The following PCDHA5 variants were observed in gnomAD, a reference collection of about 807,000 sequenced individuals.
PCDHA5 encodes the protein protocadherin alpha 5.
In PCDHA5, 43 loss-of-function variants were observed where a neutral mutation model predicts 61.6. The observed-to-expected ratio is 0.70, with a 90% CI of 0.55 to 0.90. The LOEUF (loss-of-function observed/expected upper bound fraction) is 0.90. PCDHA5 is among the 40% of genes least tolerant of loss of function. The pLI is 0.00. For synonymous variants in PCDHA5, 627 were observed against 543.9 expected, an observed-to-expected ratio of 1.15 and a Z score of -2.13; for missense variants, 1,298 against 1,222.7, an observed-to-expected ratio of 1.06 and a Z score of -0.92.
intron 1 of PCDHA5, among the ~76,000 whole-genome samples, chr5:140,831,826 A>G (rs1029398204): frequency 6.6e-6 from 1 of 152,198 alleles, no homozygotes; most frequent in African/African-American, 2.4e-5. Context: ...GATAAACACT[A>G]GTTTCAATGA....
intron 1 of PCDHA5, among the ~76,000 whole-genome samples, chr5:140,962,807 C>T (rs1463442901): frequency 5.3e-5 from 8 of 152,220 alleles, no homozygotes; most frequent in Non-Finnish European, 1.0e-4. Flanking sequence ...CAACTCTAAA[C>T]ATCAGAGATG....
intron 1 of PCDHA5, among the ~76,000 whole-genome samples, chr5:140,885,615 AAT>A (rs1411025177): frequency 6.6e-6 from 1 of 152,162 alleles, no homozygotes; most frequent in African/African-American, 2.4e-5. Context: ...TTAATTATAA[AAT>A]ATGTCACTGG....
chr5:140,828,231 G>A (rs1554131117), intron 1 of PCDHA5: 2 of 1,613,882 alleles, frequency 1.2e-6, no homozygotes, highest in Admixed American at 1.7e-5. Flanking sequence ...TTCGTGGGCC[G>A]GATCGCGCAG....
intron 1 of PCDHA5, chr5:140,830,141 G>GC (rs1770847454): frequency 6.2e-7 from 1 of 1,613,282 alleles, no homozygotes; most frequent in East Asian, 2.2e-5. Flanking sequence ...ACGGGCGTCG[G>GC]TGGGCGCCGC....
rs2150455604 is a variant in PCDHA5, at chr5:140,849,875, C to T, written c.2352+25748C>T. The T allele has an allele frequency of 6.9e-5, 111 of 1,598,488 alleles. 9 individuals are homozygous for T. The highest frequency in any genetic ancestry group is 8.0e-5 in the Non-Finnish European group (93 of 1,168,004). On this transcript the variant is annotated intron_variant, in intron 1 of 3. Transcript: ENST00000529859. ...CACCAGCGTTCGCGCAGTCCGAGTA[C>T]ACGGTGTTCGTGAAGGAGAACAACC...
intron 1 of PCDHA5, chr5:140,848,534 T>C (rs2150412178): frequency 6.3e-7 from 1 of 1,595,182 alleles, no homozygotes; most frequent in Non-Finnish European, 8.6e-7. Flanking sequence ...AGGGTCAGCC[T>C]CTACTGCTCT....
At chr5:140,982,688 ATACATACATGATTTCCT>A in intron 3 of PCDHA5, 125 bp downstream of exon 3, 1 of 1,415,764 alleles carries the variant, frequency 7.1e-7, no homozygotes, top group African/African-American at 1.4e-5. Flanking sequence ...CCTTTTTTCC[ATACATACATGATTTCCT>A]TACATATATG....
At chr5:140,893,050 A>G (rs967159859) in intron 1 of PCDHA5, among the ~76,000 whole-genome samples, 1 of 152,248 alleles carries the variant, frequency 6.6e-6, no homozygotes, top group Non-Finnish European at 1.5e-5. Context: ...CTCCAGGCTC[A>G]GCCATACTGC....
intron 1 of PCDHA5, chr5:140,825,891 G>A (rs1191731614): frequency 6.6e-6 from 1 of 152,362 alleles, no homozygotes; most frequent in Non-Finnish European, 1.5e-5. Context: ...GTTTATTAAA[G>A]CTGTATGTTT....
intron 1 of PCDHA5, chr5:140,848,371 A>T: frequency 8.8e-7 from 1 of 1,131,148 alleles, no homozygotes; most frequent in Non-Finnish European, 1.3e-6. Context: ...AAAGAGGCTC[A>T]ATTCTTTTTC....
chr5:140,998,690 A>G (rs1310258939), intron 3 of PCDHA5, among the ~76,000 whole-genome samples: 1 of 151,696 alleles, frequency 6.6e-6, no homozygotes, highest in Non-Finnish European at 1.5e-5. Flanking sequence ...TCAGCCTCCC[A>G]AGTAGCTGGG....
At chr5:140,905,021 G>A (rs1443702216) in intron 1 of PCDHA5, among the ~76,000 whole-genome samples, 1 of 152,078 alleles carries the variant, frequency 6.6e-6, no homozygotes, top group African/African-American at 2.4e-5. Flanking sequence ...TCTTTTCTAT[G>A]CAGAAGCTTT....
intron 1 of PCDHA5, chr5:140,876,368 C>T (rs564115297): frequency 3.7e-5 from 59 of 1,613,904 alleles, no homozygotes; most frequent in Non-Finnish European, 4.9e-5. Context: ...AATCCAGACA[C>T]AGGTGAAATT....
rs145248721 is a variant in PCDHA5 at position 140,849,849 on chromosome 5, G to A, written c.2352+25722G>A. 13 of 1,598,556 alleles carry A rather than the reference G, an allele frequency of 8.1e-6. 1 individual carries two copies. The South Asian group carries it at 1.1e-4, about 14-fold the overall frequency. On this transcript the variant is annotated intron_variant, in intron 1 of 3. Coordinates refer to ENST00000529859, the MANE Select transcript of PCDHA5 (RefSeq NM_018908.3). Reference sequence around the variant, plus strand: ...GGAGGTGGCCGACGTGAACGACAACGCACCAGCGTTCGCGCAGTCCGAGTA... The same window carrying A: ...GGAGGTGGCCGACGTGAACGACAACACACCAGCGTTCGCGCAGTCCGAGTA...
At chr5:140,904,064 G>C (rs1238949756) in intron 1 of PCDHA5, among the ~76,000 whole-genome samples, 2 of 151,906 alleles carry the variant, frequency 1.3e-5, no homozygotes, top group Non-Finnish European at 2.9e-5. Context: ...TGGGTTTTTG[G>C]GGAACAGTAT....
At chr5:140,903,076 C>T (rs1479702171) in intron 1 of PCDHA5, among the ~76,000 whole-genome samples, 1 of 152,122 alleles carries the variant, frequency 6.6e-6, no homozygotes, top group Admixed American at 6.5e-5. Flanking sequence ...GGGTAGATAC[C>T]TGATAGTGGC....
chr5:140,989,727 A>C (rs1203211477), intron 3 of PCDHA5, among the ~76,000 whole-genome samples: 7 of 152,190 alleles, frequency 4.6e-5, no homozygotes, highest in African/African-American at 1.7e-4. Context: ...TTTGCAGTTG[A>C]AAAGGCCATT....
At chr5:140,871,412 C>T (rs891491030) in intron 1 of PCDHA5, 2 of 1,613,976 alleles carry the variant, frequency 1.2e-6, no homozygotes, top group Non-Finnish European at 1.7e-6. Flanking sequence ...GACCTCATGG[C>T]CTTCAGCCCC....
intron 1 of PCDHA5, among the ~76,000 whole-genome samples, chr5:140,913,413 G>A (rs976186231): frequency 3.3e-5 from 5 of 152,050 alleles, no homozygotes; most frequent in Non-Finnish European, 5.9e-5. Flanking sequence ...TTGAATTCCT[G>A]CAGTATCAGT....
Sources: gnomAD v4.1 joint callset for allele counts (sites outside exome capture counted in the v4.1 genomes callset) on GRCh38, gnomAD v4.1.1 for gene constraint, MANE v1.5 for transcripts, NCBI Gene and HGNC (gene_info 2026-07-23, HGNC 2026-07-21) for gene names.